The following FYB1 variants were observed in gnomAD, a reference collection of about 807,000 sequenced individuals.
FYB1 encodes the protein FYN-binding protein 1.
Under a neutral mutation model 94.1 loss-of-function variants are expected in FYB1, and 41 were observed. The observed-to-expected ratio is 0.44, with a 90% CI of 0.34 to 0.57. The LOEUF is 0.57. Ranked by LOEUF, FYB1 falls within the 20% of genes least tolerant of loss-of-function variation. FYB1 has a pLI of 0.02. For synonymous variants in FYB1, 367 were observed against 353.2 expected, an observed-to-expected ratio of 1.04 and a Z score of -0.44; for missense variants, 1,050 against 976.8, an observed-to-expected ratio of 1.07 and a Z score of -1.00.
intron 2 of FYB1, among the ~76,000 whole-genome samples, chr5:39,180,692 A>G (rs1045191094): frequency 5.9e-5 from 9 of 152,134 alleles, no homozygotes; most frequent in African/African-American, 2.2e-4. Context: ...TGTGGTTGGT[A>G]TTTCCCACTA....
intron 1 of FYB1, among the ~76,000 whole-genome samples, chr5:39,266,345 C>T (rs1752436614): frequency 6.6e-6 from 1 of 152,114 alleles, no homozygotes; most frequent in South Asian, 2.1e-4. Flanking sequence ...GTCAAGATTC[C>T]ACAGGGAGAA....
chr5:39,214,744 AT>A (rs1240302535), intron 1 of FYB1, among the ~76,000 whole-genome samples: 1 of 152,188 alleles, frequency 6.6e-6, no homozygotes, highest in Non-Finnish European at 1.5e-5. Context: ...CCTGGCCAAC[AT>A]GGTGAAAACC....
chr5:39,258,705 G>T (rs932697386), intron 1 of FYB1, among the ~76,000 whole-genome samples: 1 of 152,122 alleles, frequency 6.6e-6, no homozygotes, highest in African/African-American at 2.4e-5. Context: ...ATCAACTTCT[G>T]GTTAGTAAAT....
chr5:39,194,547 AAAGG>A (rs1179408344), intron 2 of FYB1, among the ~76,000 whole-genome samples: 3 of 151,932 alleles, frequency 2.0e-5, no homozygotes, highest in Non-Finnish European at 4.4e-5. Flanking sequence ...AAAGACAGAA[AAAGG>A]AAGGAAGGAA....
intron 1 of FYB1, among the ~76,000 whole-genome samples, chr5:39,249,293 A>G (rs1751617079): frequency 6.6e-6 from 1 of 152,242 alleles, no homozygotes; most frequent in Non-Finnish European, 1.5e-5. Flanking sequence ...ATTTTCTGTA[A>G]GGGGCCTGAT....
At chr5:39,199,023 C>T (rs937862542) in intron 2 of FYB1, among the ~76,000 whole-genome samples, 7 of 151,564 alleles carry the variant, frequency 4.6e-5, no homozygotes, top group East Asian at 3.9e-4. Context: ...GAAATGGGGG[C>T]GATAATTACA....
intron 1 of FYB1, among the ~76,000 whole-genome samples, chr5:39,255,080 G>T (rs558168240): frequency 6.6e-6 from 1 of 151,984 alleles, no homozygotes; most frequent in African/African-American, 2.4e-5. Context: ...TTATATTTTC[G>T]GAACAATTTA....
intron 3 of FYB1, among the ~76,000 whole-genome samples, chr5:39,143,855 T>C (rs1331210459): frequency 6.6e-6 from 1 of 152,166 alleles, no homozygotes; most frequent in African/African-American, 2.4e-5. Context: ...AAATAGAAAA[T>C]TAAAAATTTA....
intron 2 of FYB1, among the ~76,000 whole-genome samples, chr5:39,188,753 G>A (rs911228663): frequency 1.7e-4 from 26 of 151,912 alleles, no homozygotes; most frequent in Middle Eastern, 3.4e-3. Context: ...GGCTGGTCTC[G>A]AACTCCTGAC....
intron 1 of FYB1, among the ~76,000 whole-genome samples, chr5:39,226,972 A>G (rs984556186): frequency 1.3e-5 from 2 of 152,208 alleles, no homozygotes; most frequent in Non-Finnish European, 2.9e-5. Flanking sequence ...GGCAAAAGCT[A>G]TATTGACTAC....
At chr5:39,268,548 T>C (rs900336811) in intron 1 of FYB1, among the ~76,000 whole-genome samples, 1 of 152,172 alleles carries the variant, frequency 6.6e-6, no homozygotes, top group Admixed American at 6.5e-5. Flanking sequence ...TAAGAAGTTT[T>C]TTTTGAGAAA....
At chr5:39,189,236 T>C (rs199975606) in intron 2 of FYB1, among the ~76,000 whole-genome samples, 1 of 886 alleles carries the variant, frequency 1.1e-3, no homozygotes. Flanking sequence ...ATGGAATTCC[T>C]TTTTTTTTTT....
At chr5:39,130,539 C>G in intron 10 of FYB1, 51 bp downstream of exon 10, 2 of 1,414,436 alleles carry the variant, frequency 1.4e-6, no homozygotes, top group Non-Finnish European at 2.0e-6. Flanking sequence ...TAAATACATG[C>G]CAATATATGT....
intron 1 of FYB1, among the ~76,000 whole-genome samples, chr5:39,251,808 A>C (rs1751723634): frequency 6.6e-6 from 1 of 152,200 alleles, no homozygotes; most frequent in African/African-American, 2.4e-5. Flanking sequence ...ATTGGGTAAT[A>C]TAATGTAAAG....
intron 16 of FYB1, among the ~76,000 whole-genome samples, chr5:39,112,846 C>T (rs976493533): frequency 6.6e-6 from 1 of 152,068 alleles, no homozygotes; most frequent in African/African-American, 2.4e-5. Context: ...CTGTGTTGAA[C>T]ACTTTGTTGC....
At chr5:39,153,836 C>G (rs1179156984) in intron 2 of FYB1, among the ~76,000 whole-genome samples, 3 of 152,042 alleles carry the variant, frequency 2.0e-5, no homozygotes, top group South Asian at 2.1e-4. Context: ...TGCAGTGGCT[C>G]CATCATGGTT....
At chr5:39,268,324 C>G (rs1468133577) in intron 1 of FYB1, among the ~76,000 whole-genome samples, 3 of 151,066 alleles carry the variant, frequency 2.0e-5, no homozygotes, top group Non-Finnish European at 4.4e-5. Context: ...AACTCCTGAG[C>G]TCAAATAATC....
intron 2 of FYB1, among the ~76,000 whole-genome samples, chr5:39,198,008 C>T (rs1747981760): frequency 1.3e-5 from 2 of 152,126 alleles, no homozygotes; most frequent in East Asian, 1.9e-4. Context: ...ATGATTTATA[C>T]TATAAGATGA....
At chr5:39,262,438 TGAA>T (rs1367399059) in intron 1 of FYB1, among the ~76,000 whole-genome samples, 1 of 152,160 alleles carries the variant, frequency 6.6e-6, no homozygotes, top group African/African-American at 2.4e-5. Context: ...AAAACAATAA[TGAA>T]GTACAGTTTT....
Sources: allele counts gnomAD v4.1 joint callset (sites outside exome capture counted in the v4.1 genomes callset), GRCh38; gene constraint gnomAD v4.1.1; transcripts MANE v1.5; gene names NCBI Gene and HGNC (gene_info 2026-07-23, HGNC 2026-07-21).